The following GALNT14 variants were observed in gnomAD, a reference collection of about 807,000 sequenced individuals.
GALNT14 encodes the protein polypeptide N-acetylgalactosaminyltransferase 14, also known as UDP-GalNAc:polypeptide N-acetylgalactosaminyltransferase 14.
GALNT14 carries 60 observed loss-of-function variants against 77.5 expected under a neutral mutation model. The ratio of observed to expected loss-of-function variants is 0.77; its 90% CI spans 0.63 to 0.96. The LOEUF (loss-of-function observed/expected upper bound fraction) is 0.96, where lower values mean the gene tolerates loss of function less well. Ranked by LOEUF, GALNT14 falls within the 40% of genes least tolerant of loss-of-function variation. The probability of loss-of-function intolerance (pLI) is 0.00; values close to 1 mark genes in which losing one functional copy is unlikely to be tolerated. For missense variants in GALNT14, 710 were observed against 731.0 expected (o/e 0.97, Z 0.33); for synonymous variants, 280 against 281.7 (o/e 0.99, Z 0.06).
At chr2:30,931,981 C>G (rs1665756979) in intron 10 of GALNT14, 87 bp downstream of exon 10, 1 of 1,331,960 alleles carries the variant, frequency 7.5e-7, no homozygotes, top group Non-Finnish European at 9.8e-7. Flanking sequence ...AACAGAGCAC[C>G]AGGGACGGCT....
intron 1 of GALNT14, among the ~76,000 whole-genome samples, chr2:31,057,751 G>A (rs1397328521): frequency 6.6e-6 from 1 of 151,950 alleles, no homozygotes; most frequent in East Asian, 1.9e-4. Flanking sequence ...ATGCTCCCTT[G>A]GCCCCTTCCC....
At chr2:30,989,560 T>TTATATA (rs57594110) in intron 2 of GALNT14, among the ~76,000 whole-genome samples, 1,816 of 87,050 alleles carry the variant, frequency 0.021, 47 homozygotes, top group South Asian at 0.041. Flanking sequence ...GGTAAATACC[T>TTATATA]TATATATATA....
At chr2:30,956,124 T>A in intron 4 of GALNT14, 147 bp from the exon 5 acceptor site, 1 of 753,098 alleles carries the variant, frequency 1.3e-6, no homozygotes, top group Non-Finnish European at 2.3e-6. Context: ...GACTCCAGGG[T>A]GTTTCCAGGC....
In GALNT14 at chr2:31,082,456, T is replaced by C. The variant is rs184888519; in HGVS notation, c.129+55502A>G. Among the ~76,000 whole-genome samples, 493 of 152,214 alleles carry C rather than the reference T, an allele frequency of 3.2e-3. 1 individual carries two copies. The highest frequency in any genetic ancestry group is 5.5e-3 in the Non-Finnish European group (376 of 68,018). Reference sequence around the variant, plus strand: ...CACAGATGGAGCTGAAAGCCAGAGATCAGGACAAGGCAGATGCTTGGAGAA... The same window carrying C: ...CACAGATGGAGCTGAAAGCCAGAGACCAGGACAAGGCAGATGCTTGGAGAA... On this transcript the variant is annotated intron_variant, in intron 1 of 14. Coordinates refer to ENST00000349752, the MANE Select transcript of GALNT14 (RefSeq NM_024572.4).
intron 1 of GALNT14, among the ~76,000 whole-genome samples, chr2:31,026,080 A>G (rs1443428819): frequency 6.6e-6 from 1 of 152,196 alleles, no homozygotes; most frequent in East Asian, 1.9e-4. Flanking sequence ...GAGCTACCAC[A>G]TAACATTGAC....
rs1276513397 is a variant in GALNT14 at position 31,025,540 on chromosome 2, G to A, written c.130-32533C>T. 2.0e-5 allele frequency among the ~76,000 whole-genome samples: 3 copies of A among 152,336 alleles called. No individual in the cohort carries two copies. The East Asian group carries it at 5.8e-4, about 29-fold the overall frequency. The stretch of plus-strand genomic sequence containing the variant: ...ACAAGACAGGGCTGGATGGAAGACA[G>A]GGAGCAGAGAAAACACCGGCAGGCT... On this transcript the variant is annotated intron_variant, in intron 1 of 14. Coordinates refer to ENST00000349752, the MANE Select transcript of GALNT14 (RefSeq NM_024572.4).
intron 1 of GALNT14, among the ~76,000 whole-genome samples, chr2:31,102,555 T>C (rs1677331710): frequency 6.6e-6 from 1 of 152,172 alleles, no homozygotes; most frequent in South Asian, 2.1e-4. Flanking sequence ...ATTGAGGTTA[T>C]CTATGTTCCC....
intron 9 of GALNT14, 70 bp downstream of exon 9, chr2:30,942,131 C>A (rs1666409808): frequency 5.3e-6 from 6 of 1,130,074 alleles, no homozygotes; most frequent in Non-Finnish European, 7.9e-6. Context: ...TCCAAAACCA[C>A]AGAGGTCCCC....
chr2:30,967,042 C>T (rs768144864), intron 2 of GALNT14, among the ~76,000 whole-genome samples: 1 of 152,178 alleles, frequency 6.6e-6, no homozygotes, highest in Non-Finnish European at 1.5e-5. Context: ...TGGGTAAATG[C>T]TTCCTCCTGT....
chr2:31,128,874 T>C (rs1180898885), intron 1 of GALNT14, among the ~76,000 whole-genome samples: 2 of 151,916 alleles, frequency 1.3e-5, no homozygotes, highest in Admixed American at 1.3e-4. Context: ...AAACCCAAAG[T>C]CCTCCAGACC....
chr2:31,089,033 T>A (rs1024932648), intron 1 of GALNT14, among the ~76,000 whole-genome samples: 1 of 152,218 alleles, frequency 6.6e-6, no homozygotes, highest in Admixed American at 6.5e-5. Flanking sequence ...AGCACGACCA[T>A]CAGTGGAGAA....
the GALNT14 span, among the ~76,000 whole-genome samples, chr2:30,895,286 T>G: frequency 6.6e-6 from 1 of 152,034 alleles, no homozygotes; most frequent in Admixed American, 6.5e-5. Context: ...AACCGACACA[T>G]GGACAGAGGA....
intron 1 of GALNT14, among the ~76,000 whole-genome samples, chr2:31,027,659 A>G (rs1365916622): frequency 1.3e-5 from 2 of 152,198 alleles, no homozygotes; most frequent in South Asian, 2.1e-4. Flanking sequence ...TCCTTTCAGG[A>G]TTAGTACATA....
chr2:30,912,224 T>C lies in GALNT14; in HGVS notation c.1499A>G (p.Gln500Arg), dbSNP rs764322921. The C allele has an allele frequency of 4.3e-6, 7 of 1,614,040 alleles. No homozygotes were observed. Among genetic ancestry groups the C allele is most frequent in the Non-Finnish European group, 5.9e-6 (7 of 1,180,006 alleles). ...CCCAGGGACCTGCTGAGCACTTACCTGTCGGTCATCTCCATTCTTGCAAAG... is the reference window on the plus strand; with the variant it reads ...CCCAGGGACCTGCTGAGCACTTACCCGTCGGTCATCTCCATTCTTGCAAAG... Reference protein sequence around the residue: ...LVLCKNGDDRQQWTKTGSHIE... With the variant: ...LVLCKNGDDRRQWTKTGSHIE... The change falls in exon 14 of 15, where the codon CAG (glutamine) becomes CGG (arginine). Residue 500 changes from glutamine (Q) to arginine (R), a missense_variant and splice_region_variant. Transcript: ENST00000349752.
chr2:31,044,179 C>T (rs1396234143), intron 1 of GALNT14, among the ~76,000 whole-genome samples: 1 of 152,186 alleles, frequency 6.6e-6, no homozygotes, highest in African/African-American at 2.4e-5. Flanking sequence ...GAAAGACAGG[C>T]CTTTTGTCCT....
intron 6 of GALNT14, among the ~76,000 whole-genome samples, chr2:30,954,758 T>C (rs1035733302): frequency 1.3e-5 from 2 of 152,226 alleles, no homozygotes; most frequent in Non-Finnish European, 2.9e-5. Flanking sequence ...GGGAAGATGC[T>C]GTTGAGGTAA....
downstream of GALNT14, among the ~76,000 whole-genome samples, chr2:30,906,097 C>T (rs1366223219): frequency 6.6e-6 from 1 of 151,130 alleles, no homozygotes; most frequent in South Asian, 2.1e-4. Context: ...GTACCAGCCG[C>T]TGCAAAATCA....
At chr2:30,987,825 C>G (rs1027088272) in intron 2 of GALNT14, among the ~76,000 whole-genome samples, 7 of 151,880 alleles carry the variant, frequency 4.6e-5, no homozygotes, top group Admixed American at 4.6e-4. Flanking sequence ...AGCACTTGCT[C>G]TAATGCTCAG....
At chr2:31,069,831 C>G (rs1441165699) in intron 1 of GALNT14, among the ~76,000 whole-genome samples, 1 of 152,146 alleles carries the variant, frequency 6.6e-6, no homozygotes, top group African/African-American at 2.4e-5. Flanking sequence ...TTGGTTTTAT[C>G]TAATCCTGCT....
Sources: allele counts gnomAD v4.1 joint callset (sites outside exome capture counted in the v4.1 genomes callset), GRCh38; gene constraint gnomAD v4.1.1; transcripts MANE v1.5; gene names NCBI Gene and HGNC (gene_info 2026-07-23, HGNC 2026-07-21).